The following GRM7 variants were observed in gnomAD, a reference collection of about 807,000 sequenced individuals.
GRM7 encodes the protein metabotropic glutamate receptor 7.
Under a neutral mutation model 84.5 loss-of-function variants are expected in GRM7, and 35 were observed. The observed-to-expected ratio is 0.41, with a 90% CI of 0.32 to 0.55. The LOEUF (loss-of-function observed/expected upper bound fraction) is 0.55, where lower values mean the gene tolerates loss of function less well. Ranked by LOEUF, GRM7 falls within the 20% of genes least tolerant of loss-of-function variation. GRM7 has a pLI of 0.19. For missense variants in GRM7, 1,003 were observed against 1,194.6 expected (o/e 0.84, Z 2.36); for synonymous variants, 487 against 455.1 (o/e 1.07, Z -0.89).
chr3:7,483,798 T>A (rs1044119710), intron 7 of GRM7, among the ~76,000 whole-genome samples: 1 of 151,922 alleles, frequency 6.6e-6, no homozygotes, highest in Admixed American at 6.6e-5. Flanking sequence ...TGTATATATG[T>A]TATATATATT....
chr3:7,362,844 G>T (rs768797107), intron 4 of GRM7, among the ~76,000 whole-genome samples: 6 of 152,082 alleles, frequency 3.9e-5, no homozygotes, highest in Non-Finnish European at 7.4e-5. Flanking sequence ...AGTAGGGATT[G>T]CAGCTGGGCA....
chr3:7,611,816 C>T lies in GRM7; in HGVS notation c.2451+32459C>T, dbSNP rs76340667. Among the ~76,000 whole-genome samples, 909 of 152,070 alleles carry T rather than the reference C, an allele frequency of 6.0e-3. 28 individuals are homozygous for T. In the East Asian group the frequency reaches 0.099, roughly 17 times the overall value. ...CCATTAAAGGTAGAAATGGACAGCT[C>T]CATCTTGCAAAGAGAAATCTGGAGA... On this transcript the variant is annotated intron_variant, in intron 8 of 9. Coordinates refer to ENST00000357716, the MANE Select transcript of GRM7 (RefSeq NM_000844.4).
At chr3:7,259,537 G>T (rs1698330269) in intron 2 of GRM7, among the ~76,000 whole-genome samples, 1 of 152,078 alleles carries the variant, frequency 6.6e-6, no homozygotes, top group African/African-American at 2.4e-5. Flanking sequence ...ATAATATGTG[G>T]TATTTGATTT....
chr3:7,249,874 C>A (rs917110317), intron 2 of GRM7, among the ~76,000 whole-genome samples: 1 of 152,168 alleles, frequency 6.6e-6, no homozygotes, highest in Admixed American at 6.5e-5. Flanking sequence ...ATCTTCTCTG[C>A]AATCTCAAGT....
intron 8 of GRM7, among the ~76,000 whole-genome samples, chr3:7,592,007 G>A (rs933765108): frequency 1.3e-5 from 2 of 152,124 alleles, no homozygotes; most frequent in Non-Finnish European, 2.9e-5. Context: ...TTTATAAAAT[G>A]AGATTAACAA....
At chr3:6,919,020 G>A (rs562542133) in intron 1 of GRM7, among the ~76,000 whole-genome samples, 1 of 152,246 alleles carries the variant, frequency 6.6e-6, no homozygotes, top group South Asian at 2.1e-4. Flanking sequence ...CCGCTGCATA[G>A]CAAGTGATCA....
chr3:7,260,693 G>GTGTT (rs1465005697), intron 2 of GRM7, among the ~76,000 whole-genome samples: 1 of 151,730 alleles, frequency 6.6e-6, no homozygotes, highest in Non-Finnish European at 1.5e-5. Context: ...GTGTGTGTGT[G>GTGTT]TGTGTGTGTG....
chr3:6,979,861 A>G (rs956089008), intron 1 of GRM7, among the ~76,000 whole-genome samples: 1 of 152,192 alleles, frequency 6.6e-6, no homozygotes, highest in Non-Finnish European at 1.5e-5. Context: ...GTGATTATCA[A>G]TCTGGCCAAT....
At chr3:7,161,926 C>T (rs1006061301) in intron 2 of GRM7, among the ~76,000 whole-genome samples, 4 of 152,112 alleles carry the variant, frequency 2.6e-5, no homozygotes, top group Non-Finnish European at 4.4e-5. Context: ...AGAAACAGGG[C>T]GAATGGAGCT....
chr3:7,103,143 G>C (rs1286722786), intron 1 of GRM7, among the ~76,000 whole-genome samples: 1 of 151,820 alleles, frequency 6.6e-6, no homozygotes, highest in Admixed American at 6.6e-5. Flanking sequence ...GTAATATGCT[G>C]TAAGGGTTCC....
At chr3:7,310,428 G>T (rs1700350430) in intron 4 of GRM7, among the ~76,000 whole-genome samples, 1 of 152,066 alleles carries the variant, frequency 6.6e-6, no homozygotes, top group Admixed American at 6.6e-5. Flanking sequence ...AAACTGGAAA[G>T]AACAAAGCTG....
chr3:7,662,190 TAGAAAAC>T (rs1196681495), intron 8 of GRM7, among the ~76,000 whole-genome samples: 2 of 152,162 alleles, frequency 1.3e-5, no homozygotes, highest in Admixed American at 6.5e-5. Context: ...TATAAAACTC[TAGAAAAC>T]AGAAAAGAAT....
intron 1 of GRM7, among the ~76,000 whole-genome samples, chr3:7,031,894 A>T (rs931093873): frequency 6.6e-6 from 1 of 152,140 alleles, no homozygotes. Context: ...CAAAGAACTT[A>T]GTGACTTGGC....
At chr3:7,467,495 G>A (rs1169914549) in intron 7 of GRM7, among the ~76,000 whole-genome samples, 2 of 152,130 alleles carry the variant, frequency 1.3e-5, no homozygotes, top group African/African-American at 4.8e-5. Flanking sequence ...ATAGGGATGG[G>A]TACCCGTACT....
Position 7,415,111 on chromosome 3 carries a change from C to T in GRM7, c.1122C>T (p.Cys374=). ...FAEYWEENFN[C]KLTISGSKKE... ...AATACTGGGAGGAAAACTTCAACTG[C>T]AAGTTGACGATTAGTGGGTCAAAAA... Residue 374 remains cysteine, a synonymous_variant, in exon 5 of 10, where the codon TGC becomes TGT. Transcript: ENST00000357716. 2 of 1,610,490 alleles carry T rather than the reference C, an allele frequency of 1.2e-6. No homozygotes were observed. The highest frequency in any genetic ancestry group is 1.7e-6 in the Non-Finnish European group (2 of 1,176,810).
At chr3:7,047,286 A>C (rs1343252506) in intron 1 of GRM7, among the ~76,000 whole-genome samples, 1 of 152,030 alleles carries the variant, frequency 6.6e-6, no homozygotes, top group Non-Finnish European at 1.5e-5. Context: ...TGGCTTTTTT[A>C]CAGAAAAAGT....
At chr3:7,112,370 A>G (rs1175937683) in intron 1 of GRM7, among the ~76,000 whole-genome samples, 1 of 151,898 alleles carries the variant, frequency 6.6e-6, no homozygotes, top group East Asian at 1.9e-4. Context: ...GACTACAGGC[A>G]TGTGCTACCA....
intron 2 of GRM7, among the ~76,000 whole-genome samples, chr3:7,212,335 CCATTCATT>C (rs144947910): frequency 1.5e-4 from 23 of 151,892 alleles, no homozygotes; most frequent in Non-Finnish European, 2.2e-4. Context: ...TTCTTTTTCT[CCATTCATT>C]CATTCATTCA....
At chr3:7,004,981 C>T (rs143503300) in intron 1 of GRM7, among the ~76,000 whole-genome samples, 3 of 152,280 alleles carry the variant, frequency 2.0e-5, no homozygotes, top group East Asian at 3.9e-4. Flanking sequence ...GTGTCATTGC[C>T]AGGCACAGCA....
Sources: allele counts gnomAD v4.1 joint callset (sites outside exome capture counted in the v4.1 genomes callset), GRCh38; gene constraint gnomAD v4.1.1; transcripts MANE v1.5; gene names NCBI Gene and HGNC (gene_info 2026-07-23, HGNC 2026-07-21).